CEP295: variants seen among roughly 807,000 people sequenced by gnomAD.
CEP295 encodes centrosomal protein 295.
In CEP295, 190 loss-of-function variants were observed where a neutral mutation model predicts 291.6. The ratio of observed to expected loss-of-function variants is 0.65; its 90% CI spans 0.58 to 0.73. The LOEUF (loss-of-function observed/expected upper bound fraction) is 0.73. Among genes scored for constraint, CEP295 ranks in the 30% least tolerant of loss-of-function variants. The pLI, the probability that CEP295 is intolerant of heterozygous loss-of-function variation, is 0.00. For missense variants in CEP295, 2,863 were observed against 2,949.4 expected (o/e 0.97, Z 0.68); for synonymous variants, 993 against 1,038.8 (o/e 0.96, Z 0.85).
chr11:93,704,452 G>T (rs996662017), intron 17 of CEP295, among the ~76,000 whole-genome samples: 2 of 152,088 alleles, frequency 1.3e-5, no homozygotes, highest in African/African-American at 4.8e-5. Context: ...GGTGGCGCTT[G>T]CCTGTAGTGT....
intron 18 of CEP295, among the ~76,000 whole-genome samples, chr11:93,711,136 C>T (rs1952867492): frequency 6.6e-6 from 1 of 151,646 alleles, no homozygotes; most frequent in Non-Finnish European, 1.5e-5. Context: ...TCTTTTCTTC[C>T]ACCAACCTTA....
intron 24 of CEP295, 125 bp downstream of exon 24, chr11:93,727,762 A>ATCCT: frequency 1.3e-6 from 1 of 745,952 alleles, no homozygotes; most frequent in Non-Finnish European, 2.1e-6. Context: ...TCCTAGGATC[A>ATCCT]AGGGATCCTC....
rs748951102 is a variant in CEP295, at chr11:93,698,757, C to A, written c.3845C>A (p.Ser1282Tyr). Residue 1282 changes from serine to tyrosine, a missense_variant, in exon 15 of 30, where the codon TCT (serine) becomes TAT (tyrosine). Physicochemically the swap from Ser to Tyr is moderately radical, Grantham distance 144. This residue lies in a region of CEP295 where 2,295 missense variants were observed against 2,335.7 expected (regional missense o/e 0.98). Coordinates refer to ENST00000325212, the MANE Select transcript of CEP295 (RefSeq NM_033395.2). ...AGCCAGAAAACCCAAGAAAATACAT[C>A]TTCTGAACAAACTGGTTCATCTTCA... ...HFSQKTQENT[S>Y]SEQTGSSSFI... The A allele has an allele frequency of 5.2e-5, 80 of 1,551,680 alleles. No individual in the cohort carries two copies. The highest frequency in any genetic ancestry group is 5.0e-4 in the Middle Eastern group (3 of 5,994).
chr11:93,679,624 T>A, intron 7 of CEP295, 72 bp downstream of exon 7: 2 of 1,301,596 alleles, frequency 1.5e-6, no homozygotes, highest in East Asian at 2.6e-5. Context: ...GATTAGTGAA[T>A]GAGCTCAAAG....
Position 93,696,859 on chromosome 11 carries a change from G to A in CEP295, c.1947G>A (p.Gln649=), listed in dbSNP as rs774017752. The change falls in exon 15 of 30, where the codon CAG becomes CAA. Residue 649 remains glutamine, a synonymous_variant. Coordinates refer to ENST00000325212, the MANE Select transcript of CEP295 (RefSeq NM_033395.2). The part of the protein sequence containing the change: ...TAISEHWDQG[Q]RLKLSPNKYQ... ...TATCAGAGCATTGGGATCAAGGTCA[G>A]AGACTCAAGTTGAGTCCTAACAAAT... 15 of 1,551,634 alleles carry A rather than the reference G, an allele frequency of 9.7e-6. No individual in the cohort carries two copies. The highest frequency in any genetic ancestry group is 1.4e-5 in the African/African-American group (1 of 73,052).
intron 1 of CEP295, among the ~76,000 whole-genome samples, chr11:93,663,325 G>C (rs1479301518): frequency 6.6e-6 from 1 of 152,162 alleles, no homozygotes; most frequent in Non-Finnish European, 1.5e-5. Context: ...TTACACTGAA[G>C]TCTGAGGCGC....
chr11:93,671,852 T>C (rs1013073504), intron 5 of CEP295, among the ~76,000 whole-genome samples: 2 of 152,194 alleles, frequency 1.3e-5, no homozygotes, highest in Admixed American at 6.5e-5. Flanking sequence ...GATAAAAATA[T>C]AAATGCTGAA....
At chr11:93,702,953 A>T (rs1433065849) in intron 17 of CEP295, 34 bp downstream of exon 17, 9 of 1,512,304 alleles carry the variant, frequency 6.0e-6, no homozygotes, top group Non-Finnish European at 8.0e-6. Context: ...AAGATTTTTA[A>T]ATAATTTGCC....
rs762319502 is a variant in CEP295 at position 93,728,814 on chromosome 11, T to G, written c.7295T>G (p.Phe2432Cys). The G allele has an allele frequency of 7.2e-6, 11 of 1,537,498 alleles. No homozygotes were observed. The South Asian group carries it at 1.2e-4, about 17-fold the overall frequency. The change falls in exon 25 of 30, where the codon TTC (phenylalanine) becomes TGC (cysteine). Residue 2432 changes from phenylalanine (F) to cysteine (C), a missense_variant. By Grantham distance (205) the Phe-to-Cys change is radical (BLOSUM62 -2). Transcript: ENST00000325212. ...AAGAGCGAGAATGAAGCAAAATGCT[T>G]CTTTCAGGTAAATTTAAGCTTTCCT... ...EEKSENEAKC[F>C]FQVSEFLPLV...
Position 93,675,675 on chromosome 11 carries a change from CT to C in CEP295, c.624+11del. On this transcript the variant is annotated intron_variant, in intron 6 of 29. Coordinates refer to ENST00000325212, the MANE Select transcript of CEP295 (RefSeq NM_033395.2). Reference sequence around the variant, plus strand: ...AGACAGACACAAAACGGGTGATTGACTTATTGTTTCTTCATGCCCTCGCTTT... The same window carrying C: ...AGACAGACACAAAACGGGTGATTGACTATTGTTTCTTCATGCCCTCGCTTT... The C allele has an allele frequency of 7.8e-7, 1 of 1,274,414 alleles. No homozygotes were observed. The highest frequency in any genetic ancestry group is 1.4e-5 in the South Asian group (1 of 69,518). 78.9% of individuals were successfully genotyped at this position (1,274,414 alleles called of 1,614,324 possible).
chr11:93,668,984 G>C, intron 4 of CEP295, 52 bp downstream of exon 4: 1 of 881,218 alleles, frequency 1.1e-6, no homozygotes, highest in Non-Finnish European at 1.7e-6. Flanking sequence ...ATGGTTGAAA[G>C]TAGAGGATAC....
chr11:93,670,047 T>C (rs1950360331), intron 5 of CEP295, among the ~76,000 whole-genome samples: 1 of 152,164 alleles, frequency 6.6e-6, no homozygotes, highest in Non-Finnish European at 1.5e-5. Context: ...TTGTTCAGCC[T>C]TCCTCAATGA....
chr11:93,662,073 G>T (rs1387114545), intron 1 of CEP295, among the ~76,000 whole-genome samples: 1 of 152,224 alleles, frequency 6.6e-6, no homozygotes, highest in African/African-American at 2.4e-5. Context: ...GAGCTTCCGT[G>T]TCGGGGGAGG....
chr11:93,729,138 T>G (rs765883932), intron 25 of CEP295: 3 of 499,292 alleles, frequency 6.0e-6, no homozygotes, highest in Non-Finnish European at 1.1e-5. Context: ...TCAGAACAAC[T>G]GGTAATTTTA....
intron 18 of CEP295, among the ~76,000 whole-genome samples, chr11:93,717,304 C>A (rs1953338492): frequency 6.6e-6 from 1 of 152,078 alleles, no homozygotes; most frequent in East Asian, 1.9e-4. Context: ...TCTTTTTATT[C>A]TATTTGTTGA....
intron 12 of CEP295, among the ~76,000 whole-genome samples, chr11:93,693,836 T>C (rs1178807300): frequency 2.6e-5 from 4 of 152,264 alleles, no homozygotes; most frequent in African/African-American, 7.2e-5. Context: ...TCTGTGATGA[T>C]GGAAATGTTT....
rs1455686413 is a variant in CEP295 at position 93,702,657 on chromosome 11, T to C, written c.5452+20T>C. 4.6e-6 allele frequency: 7 copies of C among 1,533,064 alleles called. No individual in the cohort carries two copies. Among genetic ancestry groups the C allele is most frequent in the Non-Finnish European group, 6.2e-6 (7 of 1,137,846 alleles). 95.0% of individuals were successfully genotyped at this position (1,533,064 alleles called of 1,614,324 possible). A position where few individuals can be genotyped will look rare whatever the true frequency, so the allele number is the denominator to read the frequency against. ...AAAGTGGTAAGATAATTGTGTTTGATTGTAATTATTTCACTGATTATTCCT... is the reference window on the plus strand; with the variant it reads ...AAAGTGGTAAGATAATTGTGTTTGACTGTAATTATTTCACTGATTATTCCT... On this transcript the variant is annotated intron_variant, in intron 16 of 29. Coordinates refer to ENST00000325212, the MANE Select transcript of CEP295 (RefSeq NM_033395.2).
rs148789774 is a variant in CEP295, at chr11:93,698,334, T to C, written c.3422T>C (p.Ile1141Thr). 353 of 1,552,160 alleles carry C rather than the reference T, an allele frequency of 2.3e-4. 1 individual carries two copies. In the East Asian group the frequency reaches 8.1e-3, roughly 35 times the overall value. The change falls in exon 15 of 30, where the codon ATA (isoleucine) becomes ACA (threonine). Residue 1141 changes from isoleucine to threonine, a missense_variant. Ile to Thr is a moderately conservative substitution (Grantham distance 89). Coordinates refer to ENST00000325212, the MANE Select transcript of CEP295 (RefSeq NM_033395.2). ...KENVGPSCHL[I>T]IPTFQDKSLS... is the part of the protein sequence containing the mutation. Reference sequence around the variant, plus strand: ...AATGTAGGTCCCTCCTGTCATTTGATAATCCCAACATTTCAGGATAAGTCT... The same window carrying C: ...AATGTAGGTCCCTCCTGTCATTTGACAATCCCAACATTTCAGGATAAGTCT...
In CEP295 at chr11:93,698,912, C is replaced by T; in HGVS notation, c.4000C>T (p.Gln1334Ter). The change falls in exon 15 of 30, where the codon CAG becomes TAG. Residue 1334 changes from glutamine (Q) to a stop codon, truncating the protein, a stop_gained. Transcript: ENST00000325212. LOFTEE classifies it high-confidence loss of function. The stretch of plus-strand genomic sequence containing the variant: ...AAGCCACCTTCAGATCCCACAATTG[C>T]AGGATAGGCTTTTGAGGATATCGCA... ...FSSHLQIPQL[Q>*]DRLLRISQLI... 4 of 1,551,590 alleles carry T rather than the reference C, an allele frequency of 2.6e-6. No homozygotes were observed. Among genetic ancestry groups the T allele is most frequent in the Non-Finnish European group, 3.5e-6 (4 of 1,146,960 alleles).
Sources: gnomAD v4.1 joint callset for allele counts (sites outside exome capture counted in the v4.1 genomes callset) on GRCh38, gnomAD v4.1.1 for gene constraint, gnomAD v4.1.1 regional missense constraint, MANE v1.5 for transcripts, NCBI Gene and HGNC (gene_info 2026-07-23, HGNC 2026-07-21) for gene names.